BCAS3: variants seen among roughly 807,000 people sequenced by gnomAD.
The protein encoded by BCAS3 is BCAS4/BCAS3 fusion.
A neutral mutation model predicts 116.1 loss-of-function variants in BCAS3; 53 were observed. The ratio of observed to expected loss-of-function variants is 0.46; its 90% CI spans 0.37 to 0.57. The LOEUF (loss-of-function observed/expected upper bound fraction) is 0.57. Ranked by LOEUF, BCAS3 falls within the 20% of genes least tolerant of loss-of-function variation. BCAS3 has a pLI of 0.00. For missense variants in BCAS3, 917 were observed against 1,165.4 expected (o/e 0.79, Z 3.10); for synonymous variants, 391 against 408.2 (o/e 0.96, Z 0.51).
chr17:60,761,792 C>A (rs2043565259), intron 6 of BCAS3, among the ~76,000 whole-genome samples: 1 of 134,738 alleles, frequency 7.4e-6, no homozygotes, highest in African/African-American at 4.0e-5. Context: ...CTGTCTTCCA[C>A]AATGGTTGAA....
intron 22 of BCAS3, chr17:61,135,923 C>T (rs913297126): frequency 2.0e-5 from 3 of 153,366 alleles, no homozygotes; most frequent in Non-Finnish European, 2.9e-5. Flanking sequence ...CAAATTCTTT[C>T]CTAATGTGGC....
chr17:60,716,011 C>T (rs527383327), intron 5 of BCAS3, among the ~76,000 whole-genome samples: 9 of 151,936 alleles, frequency 5.9e-5, no homozygotes, highest in South Asian at 4.2e-4. Flanking sequence ...TACGGGCATG[C>T]GCCACCACAC....
chr17:61,128,991 G>A lies in BCAS3; in HGVS notation c.2425+44427G>A, dbSNP rs2076191865. Among the ~76,000 whole-genome samples the A allele has an allele frequency of 6.6e-6, 1 of 152,228 alleles. No individual in the cohort carries two copies. The highest frequency in any genetic ancestry group is 2.1e-4 in the South Asian group (1 of 4,834). Reference sequence around the variant, plus strand: ...CGCAGTTTTCTAACAGAGAGATTTAGTTTGGCAGCTGATCCAGCCAAGGAA... The same window carrying A: ...CGCAGTTTTCTAACAGAGAGATTTAATTTGGCAGCTGATCCAGCCAAGGAA... On this transcript the variant is annotated intron_variant, in intron 22 of 23. Coordinates refer to ENST00000407086, the MANE Select transcript of BCAS3 (RefSeq NM_017679.5). The surrounding 1 kb of genome is among the most constrained non-coding windows in gnomAD (Gnocchi z 4.1).
intron 14 of BCAS3, among the ~76,000 whole-genome samples, chr17:60,979,588 A>G (rs1405237660): frequency 6.8e-6 from 1 of 147,984 alleles, no homozygotes. Flanking sequence ...TTCAAAGGGA[A>G]TGCTTCCAGT....
At chr17:60,684,181 A>C in intron 3 of BCAS3, 145 bp downstream of exon 3, 6 of 687,566 alleles carry the variant, frequency 8.7e-6, no homozygotes, top group Non-Finnish European at 1.5e-5. Flanking sequence ...GTGGGACTAC[A>C]TTATTGTTTA....
intron 6 of BCAS3, among the ~76,000 whole-genome samples, chr17:60,803,824 G>A (rs1403393136): frequency 1.8e-5 from 2 of 108,894 alleles, no homozygotes; most frequent in African/African-American, 3.1e-5. Context: ...TTTTTGAGAC[G>A]GAGTTTCACT....
chr17:60,856,487 G>A (rs920065041), intron 7 of BCAS3, among the ~76,000 whole-genome samples: 1 of 152,038 alleles, frequency 6.6e-6, no homozygotes, highest in African/African-American at 2.4e-5. Flanking sequence ...CCAGTAGTTC[G>A]AGACTAGCCT....
intron 22 of BCAS3, among the ~76,000 whole-genome samples, chr17:61,116,054 A>C (rs982642193): frequency 7.1e-6 from 1 of 140,266 alleles, no homozygotes; most frequent in African/African-American, 2.6e-5. Context: ...GATCACATGG[A>C]CACAGGAAGG....
intron 13 of BCAS3, among the ~76,000 whole-genome samples, chr17:60,933,191 T>C (rs930702300): frequency 6.6e-6 from 1 of 151,998 alleles, no homozygotes; most frequent in Non-Finnish European, 1.5e-5. Flanking sequence ...AAGGACCCCA[T>C]GGAAATGACA....
chr17:61,137,579 G>A (rs2076710181), intron 22 of BCAS3, among the ~76,000 whole-genome samples: 1 of 151,960 alleles, frequency 6.6e-6, no homozygotes, highest in Non-Finnish European at 1.5e-5. Flanking sequence ...GACCAGCCTG[G>A]CCAACATGAT....
intron 22 of BCAS3, among the ~76,000 whole-genome samples, chr17:61,121,527 G>A (rs1027277797): frequency 2.6e-5 from 4 of 152,084 alleles, no homozygotes; most frequent in South Asian, 2.1e-4. Context: ...TGTGCAAAAA[G>A]TATTATGAAA....
chr17:60,780,845 G>T (rs2045763285), intron 6 of BCAS3, among the ~76,000 whole-genome samples: 1 of 151,996 alleles, frequency 6.6e-6, no homozygotes, highest in African/African-American at 2.4e-5. Flanking sequence ...TACATTTTTT[G>T]ACATATTTTC....
chr17:61,120,160 C>A (rs1486522190), intron 22 of BCAS3, among the ~76,000 whole-genome samples: 2 of 152,064 alleles, frequency 1.3e-5, no homozygotes, highest in Admixed American at 6.5e-5. Flanking sequence ...AGTATACAGG[C>A]AAGAATTGCT....
In BCAS3 at chr17:61,180,188, C is replaced by T. The variant is rs1027203360; in HGVS notation, c.2425+95624C>T. 2.0e-5 allele frequency among the ~76,000 whole-genome samples: 3 copies of T among 151,916 alleles called. No homozygotes were observed. The highest frequency in any genetic ancestry group is 4.4e-5 in the Non-Finnish European group (3 of 68,004). ...GTGTAAGGGACTTGTTATGAAGGAC[C>T]GATTAAAAGCTCAGAGAAGCTGTCG... On this transcript the variant is annotated intron_variant, in intron 22 of 23. Coordinates refer to ENST00000407086, the MANE Select transcript of BCAS3 (RefSeq NM_017679.5). The surrounding 1 kb of genome is among the most constrained non-coding windows in gnomAD (Gnocchi z 6.0).
chr17:61,334,491 C>T (rs2056545324), intron 22 of BCAS3, among the ~76,000 whole-genome samples: 1 of 151,958 alleles, frequency 6.6e-6, no homozygotes, highest in African/African-American at 2.4e-5. Context: ...CGTGGAGAAA[C>T]CTGGTCTCTA....
intron 23 of BCAS3, chr17:61,389,006 T>G: frequency 2.7e-6 from 1 of 368,872 alleles, no homozygotes. Context: ...TCATTCATGC[T>G]AGAAATGTTT....
chr17:61,239,052 A>G lies in BCAS3; in HGVS notation c.2426-129275A>G, dbSNP rs1220745443. On this transcript the variant is annotated intron_variant, in intron 22 of 23. Coordinates refer to ENST00000407086, the MANE Select transcript of BCAS3 (RefSeq NM_017679.5). The surrounding 1 kb of genome is among the most constrained non-coding windows in gnomAD (Gnocchi z 4.2). ...GTGTATATTTTTAGCAATAGAAGCA[A>G]TATAGCATACCTTTGAGCCAGTTTT... Among the ~76,000 whole-genome samples, 1 of 152,234 alleles carries G rather than the reference A, an allele frequency of 6.6e-6. No homozygotes were observed. The highest frequency in any genetic ancestry group is 2.4e-5 in the African/African-American group (1 of 41,456).
At chr17:60,819,071 A>T (rs2049696905) in intron 7 of BCAS3, among the ~76,000 whole-genome samples, 1 of 152,128 alleles carries the variant, frequency 6.6e-6, no homozygotes, top group Non-Finnish European at 1.5e-5. Flanking sequence ...ACTCTTTCTC[A>T]TGTGGCTTAG....
In BCAS3 at chr17:61,034,752, C is replaced by T; in HGVS notation, c.1724C>T (p.Ser575Leu). The T allele has an allele frequency of 6.2e-7, 1 of 1,612,586 alleles. No homozygotes were observed. The highest frequency in any genetic ancestry group is 8.5e-7 in the Non-Finnish European group (1 of 1,179,240). ...GCTGCTATCTTCGGAACATCCAGGT[C>T]ATGGTTTGCAAATAATGCAGGTCTG... ...CVAAIFGTSR[S>L]WFANNAGLKR... is the part of the protein sequence containing the mutation. The change falls in exon 17 of 24, where the codon TCA becomes TTA. Residue 575 changes from serine to leucine, a missense_variant. Around this residue, in one of 3 missense-constraint regions of BCAS3, gnomAD observed 807 missense variants for 1,026.0 expected, o/e 0.79. Coordinates refer to ENST00000407086, the MANE Select transcript of BCAS3 (RefSeq NM_017679.5). The surrounding 1 kb of genome is among the most constrained non-coding windows in gnomAD (Gnocchi z 5.0).
Sources: allele counts gnomAD v4.1 joint callset (sites outside exome capture counted in the v4.1 genomes callset), GRCh38; gene constraint gnomAD v4.1.1; regional missense constraint gnomAD v4.1.1; non-coding constraint Gnocchi (gnomAD v3.1); transcripts MANE v1.5; gene names NCBI Gene and HGNC (gene_info 2026-07-23, HGNC 2026-07-21).